The following SLC38A9 variants were observed in gnomAD, a reference collection of about 807,000 sequenced individuals.
SLC38A9 encodes solute carrier family 38 member 9.
In SLC38A9, 48 loss-of-function variants were observed where a neutral mutation model predicts 62.3. The ratio of observed to expected loss-of-function variants is 0.77; its 90% CI spans 0.61 to 0.98. The LOEUF (loss-of-function observed/expected upper bound fraction) is 0.98, where lower values mean the gene tolerates loss of function less well. Among genes scored for constraint, SLC38A9 ranks in the 50% least tolerant of loss-of-function variants. SLC38A9 has a pLI of 0.00. For synonymous variants in SLC38A9, 204 were observed against 227.7 expected, an observed-to-expected ratio of 0.90 and a Z score of 0.94; for missense variants, 541 against 679.8, an observed-to-expected ratio of 0.80 and a Z score of 2.27.
chr5:55,647,324 A>G (rs1746553184), intron 11 of SLC38A9, among the ~76,000 whole-genome samples: 1 of 152,216 alleles, frequency 6.6e-6, no homozygotes, highest in East Asian at 1.9e-4. Flanking sequence ...GACTGCTAAT[A>G]GAAAGAAAAA....
intron 3 of SLC38A9, chr5:55,692,532 CAAATTAGCATTTAGTACTGCT>C (rs1240824761): frequency 1.4e-6 from 1 of 697,142 alleles, no homozygotes; most frequent in African/African-American, 1.9e-5. Flanking sequence ...ATTCCACAAG[CAAATTAGCATTTAGTACTGCT>C]AAGTCTCTAT....
intron 3 of SLC38A9, among the ~76,000 whole-genome samples, chr5:55,685,643 G>T (rs1371963599): frequency 6.6e-6 from 1 of 152,016 alleles, no homozygotes; most frequent in African/African-American, 2.4e-5. Flanking sequence ...TAACTTTTAA[G>T]TTCAGGGTTA....
Position 55,711,478 on chromosome 5 carries a change from C to G in SLC38A9, c.-61G>C, listed in dbSNP as rs1758037931. 1 of 152,130 alleles carries G rather than the reference C, an allele frequency of 6.6e-6. No homozygotes were observed. The highest frequency in any genetic ancestry group is 2.1e-4 in the South Asian group (1 of 4,814). The allele number at this position is 152,130 out of a possible 1,614,324, so 9.4% of individuals were successfully genotyped here. On this transcript the variant is annotated 5_prime_UTR_variant, in exon 2 of 16. Coordinates refer to ENST00000396865, the MANE Select transcript of SLC38A9 (RefSeq NM_173514.4). ...TGGTGTTGAGTAGGTTTCTCCAACT[C>G]GGTGGACCTCAGTTTCCTTCTCTGT...
intron 9 of SLC38A9, among the ~76,000 whole-genome samples, chr5:55,655,337 G>C (rs1450720633): frequency 6.6e-6 from 1 of 152,100 alleles, no homozygotes; most frequent in East Asian, 1.9e-4. Flanking sequence ...ATGATGAACT[G>C]ACTCCCTACT....
chr5:55,670,183 T>C (rs1308262987), intron 4 of SLC38A9, among the ~76,000 whole-genome samples: 1 of 108,982 alleles, frequency 9.2e-6, no homozygotes, highest in African/African-American at 3.0e-5. Flanking sequence ...GCCAGGATGG[T>C]CTCGATCTCC....
intron 13 of SLC38A9, 168 bp from the exon 14 acceptor site, chr5:55,634,070 T>C: frequency 2.2e-6 from 1 of 463,780 alleles, no homozygotes; most frequent in Non-Finnish European, 3.7e-6. Flanking sequence ...ATGAGGTAAG[T>C]ATAGAAACCG....
chr5:55,663,103 C>T (rs1210117740), intron 8 of SLC38A9, among the ~76,000 whole-genome samples: 2 of 151,506 alleles, frequency 1.3e-5, no homozygotes, highest in African/African-American at 2.4e-5. Context: ...CCATGTTGGC[C>T]GGGCTGGTCT....
intron 14 of SLC38A9, among the ~76,000 whole-genome samples, chr5:55,629,563 C>A (rs1743059043): frequency 6.6e-6 from 1 of 152,128 alleles, no homozygotes; most frequent in South Asian, 2.1e-4. Flanking sequence ...CGCTGGAAGT[C>A]TTGAGGAAAA....
chr5:55,689,291 G>A (rs186944240), intron 3 of SLC38A9, among the ~76,000 whole-genome samples: 62 of 152,148 alleles, frequency 4.1e-4, no homozygotes, highest in African/African-American at 1.4e-3. Flanking sequence ...AATAGACTTC[G>A]GGGACAATTT....
At chr5:55,634,623 ACTT>A (rs1159110550) in intron 13 of SLC38A9, 2 of 152,218 alleles carry the variant, frequency 1.3e-5, no homozygotes, top group Non-Finnish European at 2.9e-5. Flanking sequence ...CTGCCAAAGA[ACTT>A]CTGGAGTCAA....
chr5:55,697,237 C>A (rs1756006804), intron 3 of SLC38A9: 2 of 154,308 alleles, frequency 1.3e-5, no homozygotes, highest in South Asian at 3.9e-4. Context: ...TTGTAGCGAG[C>A]CGAGATCACG....
Position 55,664,792 on chromosome 5 carries a change from A to G in SLC38A9, c.598T>C (p.Ser200Pro). The G allele has an allele frequency of 6.3e-7, 1 of 1,597,046 alleles. No homozygotes were observed. The change falls in exon 8 of 16, where the codon TCG (serine) becomes CCG (proline). Residue 200 changes from serine (S) to proline (P), a missense_variant. Physicochemically the swap from Ser to Pro is moderately conservative, Grantham distance 74. Coordinates refer to ENST00000396865, the MANE Select transcript of SLC38A9 (RefSeq NM_173514.4). ...GACACCAAGGAGAAAAGGAGACTCG[A>G]CCACTGCCCAAAGGAGCCGAAATAA... Reference protein sequence around the residue: ...RHYFGSFGQWSSLLFSLVSLI... With the variant: ...RHYFGSFGQWPSLLFSLVSLI...
At chr5:55,689,798 C>T (rs1039748478) in intron 3 of SLC38A9, among the ~76,000 whole-genome samples, 1 of 152,162 alleles carries the variant, frequency 6.6e-6, no homozygotes. Flanking sequence ...GTATTAAATG[C>T]ATTTTCAACT....
At chr5:55,696,213 CA>C (rs1755614464) in intron 3 of SLC38A9, 1 of 35,102 alleles carries the variant, frequency 2.8e-5, no homozygotes, top group Non-Finnish European at 7.7e-5. Context: ...GCTGGCTGGG[CA>C]GAGGGGCTCC....
At chr5:55,630,410 T>C (rs189846978) in intron 14 of SLC38A9, among the ~76,000 whole-genome samples, 22 of 152,096 alleles carry the variant, frequency 1.4e-4, no homozygotes, top group African/African-American at 5.3e-4. Flanking sequence ...CTCCGCCTCC[T>C]GGGTTCAAGC....
chr5:55,685,536 T>C (rs2150476138), intron 3 of SLC38A9, among the ~76,000 whole-genome samples: 1 of 152,356 alleles, frequency 6.6e-6, no homozygotes, highest in East Asian at 1.9e-4. Flanking sequence ...TCTGGATAGA[T>C]ACCTAGAACT....
chr5:55,651,193 C>A (rs1332143615), intron 10 of SLC38A9, among the ~76,000 whole-genome samples: 3 of 149,674 alleles, frequency 2.0e-5, no homozygotes, highest in South Asian at 2.1e-4. Context: ...TGAATGATAT[C>A]CTTGTCCTTG....
At chr5:55,657,115 C>A (rs1748598512) in intron 8 of SLC38A9, among the ~76,000 whole-genome samples, 2 of 152,192 alleles carry the variant, frequency 1.3e-5, no homozygotes, top group South Asian at 2.1e-4. Context: ...CCCACCTCGG[C>A]CTCCCAAAGT....
chr5:55,636,175 C>T (rs933903588), intron 12 of SLC38A9, among the ~76,000 whole-genome samples: 4 of 152,040 alleles, frequency 2.6e-5, no homozygotes, highest in African/African-American at 9.7e-5. Context: ...AGTTAAAGAA[C>T]AGACAACAAG....
Sources: allele counts gnomAD v4.1 joint callset (sites outside exome capture counted in the v4.1 genomes callset), GRCh38; gene constraint gnomAD v4.1.1; transcripts MANE v1.5; gene names NCBI Gene and HGNC (gene_info 2026-07-23, HGNC 2026-07-21).